The following PDIK1L variants were observed in gnomAD, a reference collection of about 807,000 sequenced individuals.
The protein encoded by PDIK1L is PDLIM1 interacting kinase 1 like.
Under a neutral mutation model 27.1 loss-of-function variants are expected in PDIK1L, and 9 were observed. The ratio of observed to expected loss-of-function variants is 0.33; its 90% confidence interval spans 0.20 to 0.58. PDIK1L has a LOEUF of 0.58. Among genes scored for constraint, PDIK1L ranks in the 20% least tolerant of loss-of-function variants. The pLI, the probability that PDIK1L is intolerant of heterozygous loss-of-function variation, is 0.86. For synonymous variants in PDIK1L, 130 were observed against 141.7 expected (o/e 0.92, Z 0.59); for missense variants, 216 against 413.2 (o/e 0.52, Z 4.14).
Position 26,122,693 on chromosome 1 carries a change from T to A in PDIK1L, c.*116T>A, listed in dbSNP as rs2088008672. The A allele has an allele frequency of 8.1e-7, 1 of 1,241,510 alleles. No individual in the cohort carries two copies. Among genetic ancestry groups the A allele is most frequent in the Admixed American group, 3.1e-5 (1 of 32,258 alleles). 76.9% of individuals were successfully genotyped at this position (1,241,510 alleles called of 1,614,324 possible). On this transcript the variant is annotated 3_prime_UTR_variant, in exon 3 of 3. Transcript: ENST00000374269. The surrounding 1 kb of genome is among the most constrained non-coding windows in gnomAD (Gnocchi z 5.4). Reference sequence around the variant, plus strand: ...AGACTCTACCCTCTAAGGGTTTAGATTTTTTGTGGGATTTTTTTTTTCCTC... The same window carrying A: ...AGACTCTACCCTCTAAGGGTTTAGAATTTTTGTGGGATTTTTTTTTTCCTC...
At chr1:26,115,372 G>GA (rs1478974415) in intron 2 of PDIK1L, among the ~76,000 whole-genome samples, 1 of 152,240 alleles carries the variant, frequency 6.6e-6, no homozygotes, top group Non-Finnish European at 1.5e-5. Context: ...GTAAACCTGG[G>GA]AAAATGGAAA....
Position 26,122,179 on chromosome 1 carries a change from G to A in PDIK1L, c.628G>A (p.Val210Ile). The A allele has an allele frequency of 6.2e-7, 1 of 1,614,248 alleles. No individual in the cohort carries two copies. Among genetic ancestry groups the A allele is most frequent in the Non-Finnish European group, 8.5e-7 (1 of 1,180,044 alleles). The change falls in exon 3 of 3, where the codon GTA (valine) becomes ATA (isoleucine). Residue 210 changes from valine to isoleucine, a missense_variant. Val to Ile is a conservative substitution (Grantham distance 29, BLOSUM62 3). This residue lies in a region of PDIK1L where 169 missense variants were observed against 366.0 expected (regional missense o/e 0.46). Coordinates refer to ENST00000374269, the MANE Select transcript of PDIK1L (RefSeq NM_152835.5). The surrounding 1 kb of genome is among the most constrained non-coding windows in gnomAD (Gnocchi z 5.4). Reference sequence around the variant, plus strand: ...GCAGAACCCAGAAGAACCTGTCAGTGTAAACAAGTGTTTCCTTTCCACAGC... The same window carrying A: ...GCAGAACCCAGAAGAACCTGTCAGTATAAACAAGTGTTTCCTTTCCACAGC... ...SGQNPEEPVS[V>I]NKCFLSTACG... is the part of the protein sequence containing the mutation.
Position 26,125,434 on chromosome 1 carries a change from T to C in PDIK1L, c.*2857T>C, listed in dbSNP as rs961632927. ...TGAAAGCAACTTTTGAAATTTTCTG[T>C]TAAAATTGTCAAATATATTTTATGA... On this transcript the variant is annotated 3_prime_UTR_variant, in exon 3 of 3. Coordinates refer to ENST00000374269, the MANE Select transcript of PDIK1L (RefSeq NM_152835.5). The C allele has an allele frequency of 9.2e-5, 14 of 152,564 alleles. No homozygotes were observed. Among genetic ancestry groups the C allele is most frequent in the African/African-American group, 3.4e-4 (14 of 41,448 alleles). 9.5% of individuals were successfully genotyped at this position (152,564 alleles called of 1,614,324 possible). A position where few individuals can be genotyped will look rare whatever the true frequency, so the allele number is the denominator to read the frequency against.
In PDIK1L at chr1:26,124,197, AT is replaced by A. The variant is rs1184179335; in HGVS notation, c.*1622del. The A allele has an allele frequency of 6.6e-6, 1 of 152,602 alleles. No homozygotes were observed. The highest frequency in any genetic ancestry group is 1.5e-5 in the Non-Finnish European group (1 of 68,026). The allele number at this position is 152,602 out of a possible 1,614,324, so 9.5% of individuals were successfully genotyped here. A position where few individuals can be genotyped will look rare whatever the true frequency, so the allele number is the denominator to read the frequency against. Reference sequence around the variant, plus strand: ...TAGAATGTAAAACATCACAAAAAAAATTGCAGTACATAAAATTTCTGGACTA... The same window carrying A: ...TAGAATGTAAAACATCACAAAAAAAATGCAGTACATAAAATTTCTGGACTA... On this transcript the variant is annotated 3_prime_UTR_variant, in exon 3 of 3. Coordinates refer to ENST00000374269, the MANE Select transcript of PDIK1L (RefSeq NM_152835.5).
chr1:26,121,983 C>T lies in PDIK1L; in HGVS notation c.432C>T (p.Phe144=). 6.2e-7 allele frequency: 1 copy of T among 1,614,102 alleles called. No individual in the cohort carries two copies. The highest frequency in any genetic ancestry group is 8.5e-7 in the Non-Finnish European group (1 of 1,180,018). ...CCAATCGTAAAACTAACACCAGCTTCATGCTTCAGCTGAGCAGTGCCCTGG... is the reference window on the plus strand; with the variant it reads ...CCAATCGTAAAACTAACACCAGCTTTATGCTTCAGCTGAGCAGTGCCCTGG... ...RKPNRKTNTS[F]MLQLSSALAF... Residue 144 remains phenylalanine (F), a synonymous_variant, in exon 3 of 3, where the codon TTC becomes TTT. Transcript: ENST00000374269.
At chr1:26,112,322 C>A (rs917475708) in intron 1 of PDIK1L, 2 of 152,252 alleles carry the variant, frequency 1.3e-5, no homozygotes, top group East Asian at 3.9e-4. Context: ...CTGGCCGGCT[C>A]GCGTCCCAGC....
At chr1:26,116,742 T>G (rs1247387409) in intron 2 of PDIK1L, among the ~76,000 whole-genome samples, 2 of 152,178 alleles carry the variant, frequency 1.3e-5, no homozygotes, top group Non-Finnish European at 2.9e-5. Flanking sequence ...GAGAAGAAGT[T>G]TTTGCTCTTG....
Position 26,122,469 on chromosome 1 carries a change from A to G in PDIK1L, c.918A>G (p.Gln306=). 2 of 1,614,150 alleles carry G rather than the reference A, an allele frequency of 1.2e-6. No individual in the cohort carries two copies. The highest frequency in any genetic ancestry group is 1.7e-5 in the Admixed American group (1 of 60,022). The change falls in exon 3 of 3, where the codon CAA becomes CAG. Residue 306 remains glutamine, a synonymous_variant. Coordinates refer to ENST00000374269, the MANE Select transcript of PDIK1L (RefSeq NM_152835.5). This position sits in a 1 kb window ranked among gnomAD's most constrained non-coding sequence, Gnocchi z 5.4. The part of the protein sequence containing the change: ...KKKSMNGRMK[Q]LIKEMLAANP... ...AATCTATGAATGGGCGAATGAAACA[A>G]CTGATTAAGGAAATGCTGGCTGCAA... is the stretch of plus-strand genomic sequence containing the variant.
intron 2 of PDIK1L, among the ~76,000 whole-genome samples, chr1:26,117,816 G>A (rs980420710): frequency 9.9e-5 from 15 of 151,964 alleles, no homozygotes; most frequent in African/African-American, 2.9e-4. Flanking sequence ...CCGGCACTTC[G>A]GGAGGCTGAG....
At position 26,123,752 on chromosome 1, in the gene PDIK1L, T is replaced by C. The variant is rs2088032727; in HGVS notation, c.*1175T>C. The C allele has an allele frequency of 6.6e-6, 1 of 152,624 alleles. No individual in the cohort carries two copies. Among genetic ancestry groups the C allele is most frequent in the Non-Finnish European group, 1.5e-5 (1 of 68,022 alleles). 9.5% of individuals were successfully genotyped at this position (152,624 alleles called of 1,614,324 possible). The stretch of plus-strand genomic sequence containing the variant: ...AAAGTGGGAGAAGATACATACACAG[T>C]ATGGCAAATGGATAAAATATTGTGG... On this transcript the variant is annotated 3_prime_UTR_variant, in exon 3 of 3. Coordinates refer to ENST00000374269, the MANE Select transcript of PDIK1L (RefSeq NM_152835.5).
chr1:26,117,976 C>T (rs1326320101), intron 2 of PDIK1L, among the ~76,000 whole-genome samples: 1 of 151,526 alleles, frequency 6.6e-6, no homozygotes, highest in African/African-American at 2.4e-5. Context: ...GGGAGGATCA[C>T]TTGAGCCTTG....
At chr1:26,113,934 C>T (rs2087840429) in intron 1 of PDIK1L, among the ~76,000 whole-genome samples, 1 of 152,080 alleles carries the variant, frequency 6.6e-6, no homozygotes, top group Admixed American at 6.5e-5. Flanking sequence ...GGCAGATGGC[C>T]GGGTTTCAAA....
chr1:26,112,893 T>C (rs1398933730), intron 1 of PDIK1L, among the ~76,000 whole-genome samples: 3 of 152,236 alleles, frequency 2.0e-5, no homozygotes, highest in South Asian at 2.1e-4. Context: ...TAGAAATTCT[T>C]TGGGCGCTGA....
At chr1:26,113,649 T>C (rs1028614337) in intron 1 of PDIK1L, among the ~76,000 whole-genome samples, 3 of 152,150 alleles carry the variant, frequency 2.0e-5, no homozygotes, top group African/African-American at 4.8e-5. Context: ...AAACAAACAT[T>C]TTCAGTTCTA....
chr1:26,119,537 G>C (rs2087941204), intron 2 of PDIK1L, among the ~76,000 whole-genome samples: 1 of 151,900 alleles, frequency 6.6e-6, no homozygotes, highest in Non-Finnish European at 1.5e-5. Context: ...ACATACAAAG[G>C]TCGTGAAGCA....
intron 2 of PDIK1L, among the ~76,000 whole-genome samples, chr1:26,117,207 T>C (rs1276926804): frequency 6.6e-6 from 1 of 151,464 alleles, no homozygotes; most frequent in African/African-American, 2.4e-5. Context: ...AATTTTTGTA[T>C]GTTTAGTACA....
chr1:26,122,401 C>T lies in PDIK1L; in HGVS notation c.850C>T (p.Leu284=), dbSNP rs753532988. The change falls in exon 3 of 3, where the codon CTG becomes TTG. Residue 284 remains leucine (L), a synonymous_variant. Coordinates refer to ENST00000374269, the MANE Select transcript of PDIK1L (RefSeq NM_152835.5). The surrounding 1 kb of genome is among the most constrained non-coding windows in gnomAD (Gnocchi z 5.4). ...TEIVPVGEAL[L]ENPKMELLIP... ...GATTGTGCCTGTTGGGGAGGCACTT[C>T]TGGAAAATCCCAAAATGGAACTTCT... 6.2e-7 allele frequency: 1 copy of T among 1,614,092 alleles called. No individual in the cohort carries two copies. The highest frequency in any genetic ancestry group is 8.5e-7 in the Non-Finnish European group (1 of 1,179,998).
intron 1 of PDIK1L, among the ~76,000 whole-genome samples, chr1:26,112,230 C>T (rs1204556830): frequency 6.6e-6 from 1 of 152,224 alleles, no homozygotes; most frequent in African/African-American, 2.4e-5. Flanking sequence ...GACACTTGGC[C>T]AATGAGCGCG....
rs771447396 is a variant in PDIK1L at position 26,123,808 on chromosome 1, C to T, written c.*1231C>T. ...ACTACTTTTAAAGTAGAAAAGCTAT[C>T]CATTTTATACAATCACTGATACAGT... is the stretch of plus-strand genomic sequence containing the variant. On this transcript the variant is annotated 3_prime_UTR_variant, in exon 3 of 3. Transcript: ENST00000374269. The T allele has an allele frequency of 3.9e-5, 6 of 152,576 alleles. No homozygotes were observed. Among genetic ancestry groups the T allele is most frequent in the African/African-American group, 7.2e-5 (3 of 41,418 alleles). 9.5% of individuals were successfully genotyped at this position (152,576 alleles called of 1,614,324 possible).
Sources: allele counts gnomAD v4.1 joint callset (sites outside exome capture counted in the v4.1 genomes callset), GRCh38; gene constraint gnomAD v4.1.1; regional missense constraint gnomAD v4.1.1; non-coding constraint Gnocchi (gnomAD v3.1); transcripts MANE v1.5; gene names NCBI Gene and HGNC (gene_info 2026-07-23, HGNC 2026-07-21).